PALM2AKAP2: variants seen among roughly 807,000 people sequenced by gnomAD.
PALM2AKAP2 encodes PALM2-AKAP2 fusion protein.
Under a neutral mutation model 71.5 loss-of-function variants are expected in PALM2AKAP2, and 37 were observed. The ratio of observed to expected loss-of-function variants is 0.52; its 90% CI spans 0.40 to 0.68. The LOEUF (loss-of-function observed/expected upper bound fraction) is 0.68, where lower values mean the gene tolerates loss of function less well. PALM2AKAP2 is among the 30% of genes least tolerant of loss of function. The pLI is 0.00. For synonymous variants in PALM2AKAP2, 468 were observed against 478.8 expected, an observed-to-expected ratio of 0.98 and a Z score of 0.29; for missense variants, 1,224 against 1,191.8, an observed-to-expected ratio of 1.03 and a Z score of -0.40.
chr9:110,048,924 A>C (rs1833655627), intron 1 of PALM2AKAP2: 5 of 1,417,118 alleles, frequency 3.5e-6, no homozygotes, highest in Non-Finnish European at 4.6e-6. Flanking sequence ...TGGCCGAGGA[A>C]GGGGTTGCCG....
At chr9:110,011,008 AAAAAAAATATATATAT>A (rs1162571554) in intron 6 of PALM2AKAP2, among the ~76,000 whole-genome samples, 3 of 91,758 alleles carry the variant, frequency 3.3e-5, no homozygotes, top group African/African-American at 2.0e-4. Context: ...AAAAAAAAAA[AAAAAAAATATATATAT>A]ATATATATAT....
intron 1 of PALM2AKAP2, among the ~76,000 whole-genome samples, chr9:110,133,395 C>T (rs1835777535): frequency 6.6e-6 from 1 of 152,044 alleles, no homozygotes; most frequent in African/African-American, 2.4e-5. Flanking sequence ...ACAGAGAACT[C>T]ATTTTTTTTT....
At chr9:109,837,643 G>C (rs1828518814) in intron 1 of PALM2AKAP2, among the ~76,000 whole-genome samples, 1 of 152,150 alleles carries the variant, frequency 6.6e-6, no homozygotes, top group Non-Finnish European at 1.5e-5. Context: ...CATCTCATAT[G>C]CAGAGACACA....
chr9:109,876,097 G>C (rs190077879), intron 2 of PALM2AKAP2, among the ~76,000 whole-genome samples: 63 of 152,070 alleles, frequency 4.1e-4, no homozygotes, highest in Admixed American at 5.2e-4. Flanking sequence ...ACTTTTTTTT[G>C]ATGTATGTTA....
chr9:110,110,542 CTTTTTTTTTT>C (rs559402514), intron 1 of PALM2AKAP2, among the ~76,000 whole-genome samples: 53 of 95,352 alleles, frequency 5.6e-4, no homozygotes, highest in South Asian at 8.7e-4. Context: ...TTTCTGAACT[CTTTTTTTTTT>C]TTTTTTTTTT....
chr9:109,769,292 T>C (rs1829217790), intron 1 of PALM2AKAP2, among the ~76,000 whole-genome samples: 3 of 152,204 alleles, frequency 2.0e-5, no homozygotes. Flanking sequence ...TGTTTTTAAA[T>C]AGTGGGATTA....
chr9:109,821,595 T>C (rs890181339), intron 1 of PALM2AKAP2, among the ~76,000 whole-genome samples: 1 of 152,210 alleles, frequency 6.6e-6, no homozygotes, highest in African/African-American at 2.4e-5. Flanking sequence ...GAGAAAGGCA[T>C]GTTTCTGCCT....
chr9:109,776,755 G>A (rs1829354477), upstream of PALM2AKAP2, among the ~76,000 whole-genome samples: 1 of 152,192 alleles, frequency 6.6e-6, no homozygotes, highest in Non-Finnish European at 1.5e-5. Context: ...GAACAAGTCT[G>A]TTACACTTCC....
chr9:109,797,012 C>T (rs1000073597), intron 1 of PALM2AKAP2, among the ~76,000 whole-genome samples: 1 of 152,160 alleles, frequency 6.6e-6, no homozygotes, highest in African/African-American at 2.4e-5. Context: ...ACCCTAAATT[C>T]TGTCTTATCC....
chr9:109,942,446 G>A (rs1483413646), intron 6 of PALM2AKAP2, among the ~76,000 whole-genome samples: 3 of 152,108 alleles, frequency 2.0e-5, no homozygotes, highest in Non-Finnish European at 2.9e-5. Context: ...TTCCTTAAAT[G>A]TGTGAGTGCC....
At chr9:110,100,051 C>CTATATATATATATATATATATATA (rs71373968) in intron 1 of PALM2AKAP2, among the ~76,000 whole-genome samples, 4 of 109,482 alleles carry the variant, frequency 3.7e-5, no homozygotes, top group East Asian at 2.7e-4. Context: ...GTATGTGTGT[C>CTATATATATATATATATATATATA]TATATATATA....
At chr9:109,901,448 G>A (rs1041287655) in intron 3 of PALM2AKAP2, among the ~76,000 whole-genome samples, 2 of 152,194 alleles carry the variant, frequency 1.3e-5, no homozygotes, top group African/African-American at 4.8e-5. Flanking sequence ...TGTCCATTAG[G>A]AGAAACAGTC....
chr9:109,875,230 C>T (rs1829695442), intron 2 of PALM2AKAP2, among the ~76,000 whole-genome samples: 1 of 152,226 alleles, frequency 6.6e-6, no homozygotes, highest in South Asian at 2.1e-4. Flanking sequence ...TGGAACACCC[C>T]TCCGGATCTC....
chr9:110,006,359 T>TTTC (rs1229412847), intron 6 of PALM2AKAP2, among the ~76,000 whole-genome samples: 5 of 140,340 alleles, frequency 3.6e-5, no homozygotes, highest in African/African-American at 1.4e-4. Context: ...TCTTTCTTTC[T>TTTC]TTCTTTCTTT....
chr9:110,008,943 A>G (rs1165872086), intron 6 of PALM2AKAP2, among the ~76,000 whole-genome samples: 1 of 152,048 alleles, frequency 6.6e-6, no homozygotes, highest in African/African-American at 2.4e-5. Context: ...AACTGGTCAC[A>G]TGACCTCAGC....
At chr9:109,950,252 C>T (rs377446248) in intron 6 of PALM2AKAP2, among the ~76,000 whole-genome samples, 22 of 151,730 alleles carry the variant, frequency 1.4e-4, no homozygotes, top group Admixed American at 7.9e-4. Context: ...GAGATCTCAC[C>T]ACTCCATTCC....
At chr9:109,722,099 G>C (rs962416953) in intron 1 of PALM2AKAP2, among the ~76,000 whole-genome samples, 3 of 152,160 alleles carry the variant, frequency 2.0e-5, no homozygotes, top group African/African-American at 7.2e-5. Flanking sequence ...AGCATTATAT[G>C]TAATAGCAAA....
intron 1 of PALM2AKAP2, among the ~76,000 whole-genome samples, chr9:109,659,431 C>G (rs1370706105): frequency 1.4e-5 from 2 of 140,236 alleles, no homozygotes; most frequent in Non-Finnish European, 3.1e-5. Flanking sequence ...CCCTATCTTT[C>G]CAGCCTTAGG....
At chr9:109,982,549 G>A (rs140707929) in intron 6 of PALM2AKAP2, among the ~76,000 whole-genome samples, 350 of 152,246 alleles carry the variant, frequency 2.3e-3, no homozygotes, top group Non-Finnish European at 4.1e-3. Context: ...ATTTCGCATC[G>A]TATGCCAGTA....
Sources: gnomAD v4.1 joint callset for allele counts (sites outside exome capture counted in the v4.1 genomes callset) on GRCh38, gnomAD v4.1.1 for gene constraint, MANE v1.5 for transcripts, NCBI Gene and HGNC (gene_info 2026-07-23, HGNC 2026-07-21) for gene names.